Variants in MTFR1 observed in about 807,000 individuals in gnomAD.
MTFR1 encodes the protein chondrocyte protein with a poly-proline region.
Under a neutral mutation model 38.8 loss-of-function variants are expected in MTFR1, and 28 were observed. That is an observed-to-expected ratio of 0.72 (90% confidence interval 0.53 to 0.99). MTFR1 has a LOEUF of 0.99. MTFR1 is among the 50% of genes least tolerant of loss of function. The pLI is 0.00. For missense variants in MTFR1, 358 were observed against 395.5 expected, an observed-to-expected ratio of 0.91 and a Z score of 0.81; for synonymous variants, 145 against 137.0, an observed-to-expected ratio of 1.06 and a Z score of -0.41.
intron 4 of MTFR1, among the ~76,000 whole-genome samples, chr8:65,696,787 A>G (rs934967157): frequency 1.7e-4 from 25 of 151,342 alleles, no homozygotes; most frequent in African/African-American, 5.8e-4. Context: ...CAGCCTCCCA[A>G]GTAGCTGGGG....
chr8:65,682,529 C>T (rs1804931073), intron 3 of MTFR1, 78 bp downstream of exon 3: 1 of 840,786 alleles, frequency 1.2e-6, no homozygotes, highest in Non-Finnish European at 1.6e-6. Context: ...GTTTTAAAAG[C>T]ATTTTGTTTT....
intron 3 of MTFR1, among the ~76,000 whole-genome samples, chr8:65,738,435 G>A (rs1807248505): frequency 6.6e-6 from 1 of 152,108 alleles, no homozygotes; most frequent in African/African-American, 2.4e-5. Context: ...TCCACCTAAA[G>A]GACGGACAAA....
chr8:65,661,262 C>T (rs1217061031), intron 1 of MTFR1, among the ~76,000 whole-genome samples: 1 of 152,194 alleles, frequency 6.6e-6, no homozygotes, highest in African/African-American at 2.4e-5. Context: ...GGAATAAATG[C>T]ACCACTCTTG....
At chr8:65,752,898 TC>T (rs1270478247) in intron 3 of MTFR1, among the ~76,000 whole-genome samples, 8 of 152,200 alleles carry the variant, frequency 5.3e-5, no homozygotes, top group African/African-American at 1.9e-4. Context: ...CAGTATAAAT[TC>T]TATCTTGTCG....
downstream of MTFR1, among the ~76,000 whole-genome samples, chr8:65,773,904 C>A (rs971481978): frequency 6.6e-6 from 1 of 152,152 alleles, no homozygotes. Context: ...AGGGGGTAGG[C>A]TGGAGACTCC....
At chr8:65,712,499 G>GTGTT (rs1805976768), downstream of MTFR1, among the ~76,000 whole-genome samples, 1 of 152,230 alleles carries the variant, frequency 6.6e-6, no homozygotes, top group South Asian at 2.1e-4. Flanking sequence ...TTGTATCCAT[G>GTGTT]TGTTTATATA....
chr8:65,682,790 TA>T, intron 3 of MTFR1: 1 of 985,342 alleles, frequency 1.0e-6, no homozygotes, highest in Non-Finnish European at 1.2e-6. Flanking sequence ...TTTTCTTCTG[TA>T]ATTATACCTT....
At chr8:65,773,568 C>T (rs1809172560), downstream of MTFR1, among the ~76,000 whole-genome samples, 2 of 152,126 alleles carry the variant, frequency 1.3e-5, no homozygotes, top group African/African-American at 2.4e-5. Context: ...TTAATTTGAA[C>T]CATTTTTTTG....
At chr8:65,681,630 G>A (rs1287551000) in intron 2 of MTFR1, among the ~76,000 whole-genome samples, 2 of 149,354 alleles carry the variant, frequency 1.3e-5, no homozygotes, top group Non-Finnish European at 3.0e-5. Flanking sequence ...AATTTATAAT[G>A]ATTTACCTAA....
intron 2 of MTFR1, among the ~76,000 whole-genome samples, chr8:65,717,236 G>C (rs1806177380): frequency 6.6e-6 from 1 of 152,204 alleles, no homozygotes; most frequent in Non-Finnish European, 1.5e-5. Context: ...GTTTGATTTA[G>C]AAGTTTGCAC....
intron 4 of MTFR1, among the ~76,000 whole-genome samples, chr8:65,703,486 T>C (rs901873986): frequency 2.3e-5 from 3 of 127,826 alleles, no homozygotes; most frequent in African/African-American, 8.8e-5. Context: ...CAAGCTGGAG[T>C]GCAGTGGCGT....
intron 1 of MTFR1, among the ~76,000 whole-genome samples, chr8:65,646,306 G>A (rs1038382165): frequency 2.6e-5 from 4 of 152,106 alleles, no homozygotes; most frequent in Non-Finnish European, 5.9e-5. Context: ...GATGGGGGTG[G>A]GGGTAGAATT....
intron 3 of MTFR1, 24 bp from the exon 4 acceptor site, chr8:65,693,620 A>T: frequency 1.2e-6 from 2 of 1,600,026 alleles, no homozygotes; most frequent in Admixed American, 3.4e-5. Context: ...TTGGTGAAGA[A>T]CTTTCCCTAT....
intron 3 of MTFR1, among the ~76,000 whole-genome samples, chr8:65,747,411 G>A (rs536735390): frequency 2.0e-5 from 3 of 152,098 alleles, no homozygotes; most frequent in Admixed American, 6.5e-5. Flanking sequence ...TCCTTGTTAC[G>A]TAATGTTATA....
chr8:65,754,913 C>T lies in MTFR1; in HGVS notation c.*49-16034C>T, dbSNP rs545045176. ...CCGGGAGGCGGAGGTTGCAGTGAGC[C>T]GAGATCGCGCCACTGCACTCCAGCC... On this transcript the variant is annotated intron_variant, in intron 3 of 3. Transcript: ENST00000521247. Among the ~76,000 whole-genome samples the T allele has an allele frequency of 1.6e-4, 24 of 149,886 alleles. No homozygotes were observed. In the East Asian group the frequency reaches 3.8e-3, roughly 24 times the overall value.
At chr8:65,692,105 AC>A (rs1475469433) in intron 3 of MTFR1, among the ~76,000 whole-genome samples, 3 of 152,196 alleles carry the variant, frequency 2.0e-5, no homozygotes, top group Non-Finnish European at 1.5e-5. Flanking sequence ...CATATTAATG[AC>A]TGAATCTCTT....
chr8:65,724,377 T>C (rs946243098), intron 3 of MTFR1: 1 of 1,500,308 alleles, frequency 6.7e-7, no homozygotes. Flanking sequence ...TTAATATTGT[T>C]TTAAGATATA....
intron 1 of MTFR1, among the ~76,000 whole-genome samples, chr8:65,668,418 C>T (rs1382311894): frequency 2.0e-5 from 3 of 150,706 alleles, no homozygotes; most frequent in African/African-American, 7.3e-5. Context: ...AAACTCCTGA[C>T]CTCAAGTGAT....
chr8:65,750,026 G>C (rs913640492), intron 3 of MTFR1, among the ~76,000 whole-genome samples: 4 of 136 alleles, frequency 0.029, no homozygotes, highest in Non-Finnish European at 0.061. Context: ...AGCATGGCAT[G>C]AATATGTGGG....
Sources: gnomAD v4.1 joint callset for allele counts (sites outside exome capture counted in the v4.1 genomes callset) on GRCh38, gnomAD v4.1.1 for gene constraint, MANE v1.5 for transcripts, NCBI Gene and HGNC (gene_info 2026-07-23, HGNC 2026-07-21) for gene names.